The following UST variants were observed in gnomAD, a reference collection of about 807,000 sequenced individuals.
UST encodes the protein uronyl 2-sulfotransferase, also known as chondroitin sulfate 2-O-sulfotransferase.
In UST, 21 loss-of-function variants were observed where a neutral mutation model predicts 45.6. The observed-to-expected ratio is 0.46, with a 90% CI of 0.33 to 0.66. UST has a LOEUF of 0.66. UST is among the 30% of genes least tolerant of loss of function. The probability of loss-of-function intolerance (pLI) is 0.02; values close to 1 mark genes in which losing one functional copy is unlikely to be tolerated. For missense variants in UST, 463 were observed against 512.4 expected (o/e 0.90, Z 0.93); for synonymous variants, 215 against 200.6 (o/e 1.07, Z -0.61).
intron 1 of UST, among the ~76,000 whole-genome samples, chr6:148,867,791 A>T (rs1778475319): frequency 6.6e-6 from 1 of 152,186 alleles, no homozygotes; most frequent in Non-Finnish European, 1.5e-5. Flanking sequence ...GTATGTCTTT[A>T]TCAGCACCAT....
chr6:148,849,927 T>C (rs1038184612), intron 1 of UST, among the ~76,000 whole-genome samples: 3 of 152,214 alleles, frequency 2.0e-5, no homozygotes, highest in African/African-American at 4.8e-5. Flanking sequence ...ACTATAGTTA[T>C]ATAGTTACAT....
chr6:148,819,733 C>T (rs1413601589), intron 1 of UST, among the ~76,000 whole-genome samples: 2 of 152,136 alleles, frequency 1.3e-5, no homozygotes, highest in African/African-American at 4.8e-5. Flanking sequence ...TGAGTATGAC[C>T]ATCAAGATCA....
At chr6:148,870,959 G>T (rs1339603465) in intron 1 of UST, among the ~76,000 whole-genome samples, 1 of 152,058 alleles carries the variant, frequency 6.6e-6, no homozygotes, top group African/African-American at 2.4e-5. Context: ...TGGACTCAAT[G>T]GCTGTGTCCC....
intron 7 of UST, among the ~76,000 whole-genome samples, chr6:149,061,468 C>T (rs1302194134): frequency 6.6e-6 from 1 of 152,204 alleles, no homozygotes; most frequent in African/African-American, 2.4e-5. Context: ...GTGAGCACAT[C>T]GTGCTTGTCA....
intron 5 of UST, chr6:149,005,370 G>A (rs1781626506): frequency 1.0e-5 from 10 of 985,476 alleles, no homozygotes; most frequent in Non-Finnish European, 1.2e-5. Flanking sequence ...CCAGAAGCTG[G>A]AGAAGAATTC....
chr6:148,886,166 G>A (rs1485395161), intron 1 of UST, among the ~76,000 whole-genome samples: 1 of 152,190 alleles, frequency 6.6e-6, no homozygotes, highest in African/African-American at 2.4e-5. Flanking sequence ...GCCTGAACAT[G>A]CTCTGGAAAA....
chr6:148,915,969 T>TTTGCCCAAGAA (rs1270465103), intron 2 of UST, among the ~76,000 whole-genome samples: 1 of 143,894 alleles, frequency 6.9e-6, no homozygotes, highest in Admixed American at 6.8e-5. Flanking sequence ...TAAAGAAACA[T>TTTGCCCAAGAA]GAAACAAATA....
intron 7 of UST, among the ~76,000 whole-genome samples, chr6:149,026,146 T>TA (rs771431174): frequency 0.014 from 1,237 of 87,736 alleles, 10 homozygotes; most frequent in Non-Finnish European, 0.019. Context: ...AGACTCCATC[T>TA]AAAAAAAAAA....
At chr6:148,905,146 T>G (rs905352364) in intron 2 of UST, among the ~76,000 whole-genome samples, 2 of 152,224 alleles carry the variant, frequency 1.3e-5, no homozygotes. Flanking sequence ...TTTCTAGACG[T>G]GCTTTGGGAG....
chr6:149,051,183 T>C (rs1327533632), intron 7 of UST, among the ~76,000 whole-genome samples: 2 of 152,240 alleles, frequency 1.3e-5, no homozygotes, highest in East Asian at 1.9e-4. Context: ...TCCATGAGCT[T>C]GGACTCAGCA....
intron 3 of UST, among the ~76,000 whole-genome samples, chr6:148,949,071 A>G (rs1170110567): frequency 6.6e-6 from 1 of 152,012 alleles, no homozygotes; most frequent in African/African-American, 2.4e-5. Flanking sequence ...CGGGTGGATC[A>G]CCTGAGGTCA....
At chr6:148,779,711 G>A (rs1226910668) in intron 1 of UST, among the ~76,000 whole-genome samples, 1 of 152,232 alleles carries the variant, frequency 6.6e-6, no homozygotes, top group African/African-American at 2.4e-5. Flanking sequence ...AGCTTTGAGA[G>A]AAAAGGACAT....
At chr6:148,845,545 T>C (rs1777970925) in intron 1 of UST, among the ~76,000 whole-genome samples, 1 of 152,244 alleles carries the variant, frequency 6.6e-6, no homozygotes. Flanking sequence ...TTGGGGCTAT[T>C]GTGAATAAGG....
chr6:148,970,076 GC>G, intron 5 of UST, among the ~76,000 whole-genome samples: 1 of 152,326 alleles, frequency 6.6e-6, no homozygotes, highest in South Asian at 2.1e-4. Context: ...TCAGAGATAC[GC>G]TGCGAAATAC....
intron 2 of UST, among the ~76,000 whole-genome samples, chr6:148,902,735 A>AC (rs1779284682): frequency 6.6e-6 from 1 of 151,302 alleles, no homozygotes; most frequent in Admixed American, 6.6e-5. Context: ...TGGATTTTGG[A>AC]CCTCCAGGAG....
intron 1 of UST, among the ~76,000 whole-genome samples, chr6:148,877,079 T>G: frequency 3.2e-5 from 1 of 31,202 alleles, no homozygotes; most frequent in Non-Finnish European, 5.5e-5. Context: ...GGTTATGTAT[T>G]ATTGTGGGGG....
intron 1 of UST, among the ~76,000 whole-genome samples, chr6:148,881,671 C>T (rs770850431): frequency 1.3e-5 from 2 of 152,134 alleles, no homozygotes; most frequent in Non-Finnish European, 2.9e-5. Context: ...GCTCAAAGGC[C>T]TGGAGAGTTT....
chr6:149,046,753 A>G (rs894281555), intron 7 of UST, among the ~76,000 whole-genome samples: 3 of 152,238 alleles, frequency 2.0e-5, no homozygotes, highest in African/African-American at 7.2e-5. Context: ...TCCGTCTGCA[A>G]TAGGGCAGGG....
Position 148,929,538 on chromosome 6 carries a change from C to T in UST, c.292-11741C>T, listed in dbSNP as rs1327014198. ...AAAGCTAGTCTGAGGACAATGCTGGCATTTCCAGGATGGAAGAGCGAGATG... is the reference window on the plus strand; with the variant it reads ...AAAGCTAGTCTGAGGACAATGCTGGTATTTCCAGGATGGAAGAGCGAGATG... On this transcript the variant is annotated intron_variant, in intron 2 of 7. Coordinates refer to ENST00000367463, the MANE Select transcript of UST (RefSeq NM_005715.3). 3.3e-5 allele frequency among the ~76,000 whole-genome samples: 5 copies of T among 152,198 alleles called. No individual in the cohort carries two copies. In the East Asian group the frequency reaches 7.7e-4, roughly 23 times the overall value.
Sources: gnomAD v4.1 joint callset for allele counts (sites outside exome capture counted in the v4.1 genomes callset) on GRCh38, gnomAD v4.1.1 for gene constraint, MANE v1.5 for transcripts, NCBI Gene and HGNC (gene_info 2026-07-23, HGNC 2026-07-21) for gene names.